Variants in FAM227B observed in about 807,000 individuals in gnomAD.
FAM227B encodes the protein protein FAM227B.
A neutral mutation model predicts 73.8 loss-of-function variants in FAM227B; 88 were observed. The observed-to-expected ratio is 1.19, with a 90% CI of 1.00 to 1.42. FAM227B has a LOEUF of 1.42. Among genes scored for constraint, FAM227B ranks in the 40% most tolerant of loss-of-function variants. FAM227B has a pLI of 0.00. For synonymous variants in FAM227B, 210 were observed against 190.5 expected (o/e 1.10, Z -0.84); for missense variants, 632 against 590.9 (o/e 1.07, Z -0.72).
intron 11 of FAM227B, among the ~76,000 whole-genome samples, chr15:49,493,103 T>C (rs2057265249): frequency 6.6e-6 from 1 of 151,960 alleles, no homozygotes; most frequent in Non-Finnish European, 1.5e-5. Context: ...CTCAGTCTCA[T>C]CTCTTCCTCA....
At chr15:49,478,633 T>C (rs887979123) in intron 11 of FAM227B, among the ~76,000 whole-genome samples, 1 of 152,178 alleles carries the variant, frequency 6.6e-6, no homozygotes, top group South Asian at 2.1e-4. Flanking sequence ...AATGTTCTGA[T>C]TGGCTAACCA....
intron 12 of FAM227B, among the ~76,000 whole-genome samples, chr15:49,369,901 T>G (rs776200264): frequency 4.1e-4 from 63 of 152,348 alleles, no homozygotes; most frequent in Non-Finnish European, 6.9e-4. Flanking sequence ...AGTTTGGCCA[T>G]TGCTGAAGCA....
At chr15:49,329,608 A>G in intron 15 of FAM227B, 1 of 984,804 alleles carries the variant, frequency 1.0e-6, no homozygotes, top group Non-Finnish European at 1.2e-6. Flanking sequence ...CTTCTGATGC[A>G]TTTTCATTCT....
intron 11 of FAM227B, among the ~76,000 whole-genome samples, chr15:49,390,641 ATC>A (rs2047156151): frequency 6.6e-6 from 1 of 152,104 alleles, no homozygotes; most frequent in South Asian, 2.1e-4. Context: ...CCTCCCTCCT[ATC>A]TCACTTTTTG....
At chr15:49,441,650 G>A (rs1484197199) in intron 11 of FAM227B, among the ~76,000 whole-genome samples, 1 of 151,520 alleles carries the variant, frequency 6.6e-6, no homozygotes, top group African/African-American at 2.4e-5. Flanking sequence ...CTTCTCAGGG[G>A]CTCCACATCA....
rs752706367 is a variant in FAM227B, at chr15:49,328,609, A to G, written c.1486T>C (p.Ser496Pro). Residue 496 changes from serine (S) to proline (P), a missense_variant, in exon 16 of 16, where the codon TCA becomes CCA. Physicochemically the swap from Ser to Pro is moderately conservative, Grantham distance 74. Transcript: ENST00000299338. Reference protein sequence around the residue: ...SLSSSSSSSPSSTDNYNFEEE... With the variant: ...SLSSSSSSSPPSTDNYNFEEE... Reference sequence around the variant, plus strand: ...TCAAAGTTGTAGTTGTCTGTTGATGATGGTGATGATGATGATGATGACGAT... The same window carrying G: ...TCAAAGTTGTAGTTGTCTGTTGATGGTGGTGATGATGATGATGATGACGAT... The G allele has an allele frequency of 8.2e-6, 13 of 1,592,182 alleles. No homozygotes were observed. The highest frequency in any genetic ancestry group is 1.1e-5 in the Non-Finnish European group (13 of 1,165,970).
chr15:49,387,963 T>C (rs1395636524), intron 11 of FAM227B, among the ~76,000 whole-genome samples: 1 of 151,854 alleles, frequency 6.6e-6, no homozygotes, highest in Non-Finnish European at 1.5e-5. Flanking sequence ...TACAAGACAC[T>C]GCTGAAAGAA....
chr15:49,453,156 A>G (rs1325399802), intron 11 of FAM227B, among the ~76,000 whole-genome samples: 1 of 152,118 alleles, frequency 6.6e-6, no homozygotes, highest in African/African-American at 2.4e-5. Context: ...CCCATTTTAT[A>G]TTCTCTGTAA....
intron 13 of FAM227B, 45 bp from the exon 14 acceptor site, chr15:49,335,541 T>C: frequency 2.7e-6 from 4 of 1,482,206 alleles, no homozygotes; most frequent in Non-Finnish European, 3.8e-6. Context: ...TAGGAACATT[T>C]GGGAAGTAAA....
chr15:49,365,473 G>A lies in FAM227B; in HGVS notation c.1271+1975C>T, dbSNP rs1465282412. 9.3e-6 allele frequency: 8 copies of A among 864,588 alleles called. No individual in the cohort carries two copies. In the Admixed American group the frequency reaches 1.4e-4, roughly 15 times the overall value. 53.6% of individuals were successfully genotyped at this position (864,588 alleles called of 1,614,324 possible). A position where few individuals can be genotyped will look rare whatever the true frequency, so the allele number is the denominator to read the frequency against. On this transcript the variant is annotated intron_variant, in intron 13 of 15. Transcript: ENST00000299338. ...GTCTCCAAAGCCCAATATTGAAACAGGCATGATGCACACACTCATTACTGA... is the reference window on the plus strand; with the variant it reads ...GTCTCCAAAGCCCAATATTGAAACAAGCATGATGCACACACTCATTACTGA...
chr15:49,432,352 G>A (rs1449425830), intron 11 of FAM227B, among the ~76,000 whole-genome samples: 1 of 151,560 alleles, frequency 6.6e-6, no homozygotes, highest in Non-Finnish European at 1.5e-5. Flanking sequence ...TAACTAACCT[G>A]CTGAGAAATA....
chr15:49,369,532 C>T (rs931480873), intron 12 of FAM227B, among the ~76,000 whole-genome samples: 1 of 152,048 alleles, frequency 6.6e-6, no homozygotes, highest in African/African-American at 2.4e-5. Context: ...GATTTGGGTA[C>T]CTAATTTCTC....
At chr15:49,568,674 C>T (rs1320994427) in intron 8 of FAM227B, among the ~76,000 whole-genome samples, 2 of 151,934 alleles carry the variant, frequency 1.3e-5, no homozygotes, top group Non-Finnish European at 2.9e-5. Flanking sequence ...CAGTACCTGG[C>T]AACAAAAAGC....
intron 3 of FAM227B, among the ~76,000 whole-genome samples, chr15:49,597,716 G>A (rs1033301270): frequency 6.6e-6 from 1 of 151,950 alleles, no homozygotes; most frequent in African/African-American, 2.4e-5. Context: ...AAAATTGACA[G>A]ACCATTAGCG....
intron 9 of FAM227B, among the ~76,000 whole-genome samples, chr15:49,553,950 A>G (rs1017790099): frequency 9.2e-5 from 14 of 152,124 alleles, no homozygotes; most frequent in African/African-American, 3.4e-4. Context: ...CAGGGCCCTC[A>G]ATGTAGTACT....
rs373566125 is a variant in FAM227B, at chr15:49,587,943, C to T, written c.405+73G>A. On this transcript the variant is annotated intron_variant, in intron 5 of 15. Coordinates refer to ENST00000299338, the MANE Select transcript of FAM227B (RefSeq NM_152647.3). The stretch of plus-strand genomic sequence containing the variant: ...TTACAAAAGTGTTATTAGTGCTCAT[C>T]TGTGGAAATGTAGTGTTTATATTTT... The T allele has an allele frequency of 5.8e-5, 74 of 1,268,022 alleles. 1 individual carries two copies. In the African/African-American group the frequency reaches 7.1e-4, roughly 12 times the overall value. The allele number at this position is 1,268,022 out of a possible 1,614,324, so 78.5% of individuals were successfully genotyped here. A position where few individuals can be genotyped will look rare whatever the true frequency, so the allele number is the denominator to read the frequency against.
At chr15:49,438,717 C>A (rs2899437) in intron 11 of FAM227B, among the ~76,000 whole-genome samples, 134,765 of 151,596 alleles carry the variant, frequency 0.89, 61,762 homozygotes, top group Non-Finnish European at 0.99. Flanking sequence ...ATAGTTGACT[C>A]TCCTAGGCCT....
At chr15:49,396,188 C>T (rs12904443) in intron 11 of FAM227B, 32,679 of 349,216 alleles carry the variant, frequency 0.094, 1,930 homozygotes, top group East Asian at 0.18. Flanking sequence ...ACTTGGGAAG[C>T]GCAAGGGGTC....
intron 11 of FAM227B, among the ~76,000 whole-genome samples, chr15:49,400,899 T>A (rs1318361432): frequency 6.6e-6 from 1 of 151,776 alleles, no homozygotes. Context: ...ATAAAAACCC[T>A]AGAAGAAAAC....
Sources: allele counts gnomAD v4.1 joint callset (sites outside exome capture counted in the v4.1 genomes callset), GRCh38; gene constraint gnomAD v4.1.1; transcripts MANE v1.5; gene names NCBI Gene and HGNC (gene_info 2026-07-23, HGNC 2026-07-21).